The following MAST4 variants were observed in gnomAD, a reference collection of about 807,000 sequenced individuals.
The protein encoded by MAST4 is microtubule associated serine/threonine kinase family member 4.
In MAST4, 89 loss-of-function variants were observed where a neutral mutation model predicts 162.7. That is an observed-to-expected ratio of 0.55 (90% CI 0.46 to 0.65). The LOEUF is 0.65. MAST4 is among the 30% of genes least tolerant of loss of function. The pLI is 0.00. For synonymous variants in MAST4, 1,479 were observed against 1,361.1 expected (o/e 1.09, Z -1.91); for missense variants, 3,153 against 3,374.0 (o/e 0.93, Z 1.62).
At chr5:66,811,804 C>T (rs1296217004) in intron 3 of MAST4, among the ~76,000 whole-genome samples, 1 of 151,554 alleles carries the variant, frequency 6.6e-6, no homozygotes, top group Non-Finnish European at 1.5e-5. Context: ...ATAATGGTAC[C>T]TGTCAGGTTT....
intron 7 of MAST4, among the ~76,000 whole-genome samples, chr5:67,098,353 A>C (rs1353203763): frequency 6.6e-6 from 1 of 152,166 alleles, no homozygotes; most frequent in Middle Eastern, 3.2e-3. Context: ...CACAGTTTGC[A>C]GTTAAAATTA....
rs996861960 is a variant in MAST4 at position 67,054,306 on chromosome 5, A to T, written c.675-98A>T. On this transcript the variant is annotated intron_variant, in intron 4 of 28. Transcript: ENST00000403625. ...ATAATTTTAACAATAACATGAGCAG[A>T]TAGGTTGCTCAACCTGGTCCATGTC... is the stretch of plus-strand genomic sequence containing the variant. The T allele has an allele frequency of 2.9e-5, 25 of 860,906 alleles. No homozygotes were observed. The East Asian group carries it at 7.0e-4, about 24-fold the overall frequency. 53.3% of individuals were successfully genotyped at this position (860,906 alleles called of 1,614,324 possible).
intron 1 of MAST4, among the ~76,000 whole-genome samples, chr5:66,700,677 ACT>A (rs1337789650): frequency 2.0e-5 from 3 of 151,548 alleles, no homozygotes; most frequent in Non-Finnish European, 4.4e-5. Flanking sequence ...ACAGAGTGAG[ACT>A]CCATCTCTCA....
rs142801242 is a variant in MAST4 at position 67,028,293 on chromosome 5, G to T, written c.675-26111G>T. On this transcript the variant is annotated intron_variant, in intron 4 of 28. Transcript: ENST00000403625. ...CAACAATACAAAACAAATAGCTATC[G>T]TACAGAGACTCGAGTGAGAGTTGAG... Among the ~76,000 whole-genome samples the T allele has an allele frequency of 5.6e-4, 85 of 152,168 alleles. 1 individual carries two copies. The South Asian group carries it at 8.5e-3, about 15-fold the overall frequency.
intron 7 of MAST4, 79 bp downstream of exon 7, chr5:67,095,754 G>T: frequency 9.3e-7 from 1 of 1,079,960 alleles, no homozygotes. Context: ...TTCTCTGGGT[G>T]TTTCCTGGTA....
At position 66,656,309 on chromosome 5, in the gene MAST4, A is replaced by G. The variant is rs150644948; in HGVS notation, c.363+59291A>G. ...AAATGTTGTCTCCACATTATCTTCC[A>G]TAAAATTTGCCTTCTCTGGCATGTT... On this transcript the variant is annotated intron_variant, in intron 1 of 28. Transcript: ENST00000403625. 1.6e-3 allele frequency among the ~76,000 whole-genome samples: 243 copies of G among 152,346 alleles called. 1 individual carries two copies. The highest frequency in any genetic ancestry group is 5.7e-3 in the African/African-American group (235 of 41,584).
intron 1 of MAST4, among the ~76,000 whole-genome samples, chr5:66,758,317 A>G (rs27717): frequency 0.15 from 23,511 of 151,926 alleles, 2,157 homozygotes; most frequent in East Asian, 0.45. Flanking sequence ...TAACTTGGGA[A>G]GGGTTGCTCA....
intron 1 of MAST4, among the ~76,000 whole-genome samples, chr5:66,621,380 G>C (rs1458876856): frequency 2.0e-5 from 3 of 152,186 alleles, no homozygotes; most frequent in Non-Finnish European, 4.4e-5. Context: ...GTAGCAGTGA[G>C]AAAATGTTTG....
chr5:66,800,397 A>G (rs1755859497), intron 3 of MAST4, among the ~76,000 whole-genome samples: 1 of 152,204 alleles, frequency 6.6e-6, no homozygotes, highest in Non-Finnish European at 1.5e-5. Context: ...TTGCAGAAAC[A>G]TGGATGGAGC....
At chr5:66,685,702 A>G (rs1039334027) in intron 1 of MAST4, among the ~76,000 whole-genome samples, 2 of 152,178 alleles carry the variant, frequency 1.3e-5, no homozygotes, top group Admixed American at 1.3e-4. Context: ...TTATTAGCAC[A>G]TCCACTGCTA....
At chr5:66,800,636 C>A (rs1018474184) in intron 3 of MAST4, among the ~76,000 whole-genome samples, 3 of 151,978 alleles carry the variant, frequency 2.0e-5, no homozygotes, top group Admixed American at 6.6e-5. Context: ...GTACAACAAA[C>A]CCCCATGACA....
At chr5:66,814,298 G>A (rs1756618145) in intron 3 of MAST4, among the ~76,000 whole-genome samples, 1 of 152,202 alleles carries the variant, frequency 6.6e-6, no homozygotes, top group Non-Finnish European at 1.5e-5. Context: ...GCTCTTGGAT[G>A]CTGGGTCATC....
intron 4 of MAST4, chr5:66,963,630 A>G (rs1175789106): frequency 2.6e-6 from 2 of 766,690 alleles, no homozygotes; most frequent in Non-Finnish European, 4.9e-6. Context: ...TAAAGGGAAC[A>G]CAGTCCCTTA....
intron 4 of MAST4, among the ~76,000 whole-genome samples, chr5:66,906,848 C>G (rs75347919): frequency 6.6e-6 from 1 of 151,964 alleles, no homozygotes; most frequent in East Asian, 1.9e-4. Context: ...CTTGGTTAGG[C>G]ACAGTAAAGG....
chr5:66,766,272 G>T (rs1010723496), intron 2 of MAST4, among the ~76,000 whole-genome samples: 1 of 151,840 alleles, frequency 6.6e-6, no homozygotes, highest in African/African-American at 2.4e-5. Context: ...AGAGAGTTGT[G>T]TTTTTTTTCC....
intron 11 of MAST4, 108 bp from the exon 12 acceptor site, chr5:67,113,979 C>G (rs1766579004): frequency 8.0e-7 from 1 of 1,250,908 alleles, no homozygotes; most frequent in Non-Finnish European, 1.1e-6. Flanking sequence ...GCATAAGTAA[C>G]TTACAGCCAT....
chr5:66,944,415 G>T (rs973221576), intron 4 of MAST4, among the ~76,000 whole-genome samples: 1 of 152,004 alleles, frequency 6.6e-6, no homozygotes, highest in African/African-American at 2.4e-5. Flanking sequence ...TATTAAATTG[G>T]TAGTAACTTG....
chr5:66,794,526 A>T (rs548624480), intron 3 of MAST4, among the ~76,000 whole-genome samples: 4 of 152,222 alleles, frequency 2.6e-5, no homozygotes, highest in Non-Finnish European at 5.9e-5. Context: ...GGTATTATCC[A>T]GAATGGAAGA....
intron 3 of MAST4, among the ~76,000 whole-genome samples, chr5:66,883,692 G>T (rs1474775458): frequency 6.6e-6 from 1 of 152,134 alleles, no homozygotes; most frequent in East Asian, 1.9e-4. Context: ...CTCCCAAAGT[G>T]CTGGGATTAC....
Sources: allele counts gnomAD v4.1 joint callset (sites outside exome capture counted in the v4.1 genomes callset), GRCh38; gene constraint gnomAD v4.1.1; transcripts MANE v1.5; gene names NCBI Gene and HGNC (gene_info 2026-07-23, HGNC 2026-07-21).